Variants in SYT12 observed in about 807,000 individuals in gnomAD.
SYT12 encodes the protein synaptotagmin-12.
Under a neutral mutation model 39.5 loss-of-function variants are expected in SYT12, and 27 were observed. The observed-to-expected ratio is 0.68, with a 90% CI of 0.50 to 0.94. SYT12 has a LOEUF of 0.94. Ranked by LOEUF, SYT12 falls within the 40% of genes least tolerant of loss-of-function variation. SYT12 has a pLI of 0.00. For missense variants in SYT12, 536 were observed against 572.6 expected (o/e 0.94, Z 0.65); for synonymous variants, 233 against 239.7 (o/e 0.97, Z 0.26).
At chr11:67,014,335 A>G (rs1272645605) in intron 3 of SYT12, among the ~76,000 whole-genome samples, 1 of 152,190 alleles carries the variant, frequency 6.6e-6, no homozygotes, top group African/African-American at 2.4e-5. Context: ...GAAAGTGCTC[A>G]TTGGAAGGAG....
In SYT12 at chr11:67,023,290, G is replaced by A. The variant is rs1950134508; in HGVS notation, c.-194G>A. Reference sequence around the variant, plus strand: ...GGCGCAGCTCCGGTCCGCCGCCCCGGCCCGGCCGAGCCCCCGGCCCGCGCC... The same window carrying A: ...GGCGCAGCTCCGGTCCGCCGCCCCGACCCGGCCGAGCCCCCGGCCCGCGCC... On this transcript the variant is annotated 5_prime_UTR_variant, in exon 1 of 8. Transcript: ENST00000527043. 4 of 148,408 alleles carry A rather than the reference G, an allele frequency of 2.7e-5. No homozygotes were observed. The highest frequency in any genetic ancestry group is 7.3e-5 in the African/African-American group (3 of 41,048). The allele number at this position is 148,408 out of a possible 1,614,324, so 9.2% of individuals were successfully genotyped here. A position where few individuals can be genotyped will look rare whatever the true frequency, so the allele number is the denominator to read the frequency against.
At chr11:67,021,315 C>T (rs1005557568), upstream of SYT12, among the ~76,000 whole-genome samples, 1 of 151,940 alleles carries the variant, frequency 6.6e-6, no homozygotes, top group Non-Finnish European at 1.5e-5. Context: ...GGACCAGCCT[C>T]AACTTTGCTT....
chr11:67,043,346 G>A (rs1041272780), intron 4 of SYT12, among the ~76,000 whole-genome samples: 12 of 152,232 alleles, frequency 7.9e-5, no homozygotes, highest in Admixed American at 1.3e-4. Context: ...AGACCAGCTC[G>A]TCCAGGGCAT....
intron 3 of SYT12, among the ~76,000 whole-genome samples, chr11:67,038,391 C>T (rs1021330031): frequency 5.9e-5 from 9 of 151,840 alleles, no homozygotes; most frequent in Admixed American, 4.6e-4. Flanking sequence ...TCTTGAACTC[C>T]TGACCTCAGG....
chr11:67,019,329 G>C (rs1016167779), upstream of SYT12, among the ~76,000 whole-genome samples: 1 of 151,978 alleles, frequency 6.6e-6, no homozygotes, highest in Non-Finnish European at 1.5e-5. Flanking sequence ...AAAATTAGCC[G>C]GGCGTGTTGG....
At chr11:67,032,947 G>A (rs1950298400) in intron 2 of SYT12, 1 of 153,774 alleles carries the variant, frequency 6.5e-6, no homozygotes, top group Non-Finnish European at 1.4e-5. Flanking sequence ...AGAAAAGAAA[G>A]TAGAGCCTTA....
upstream of SYT12, among the ~76,000 whole-genome samples, chr11:67,020,965 G>GCAAT (rs1475527787): frequency 6.6e-6 from 1 of 152,174 alleles, no homozygotes; most frequent in Non-Finnish European, 1.5e-5. Context: ...CTGAGCTCAG[G>GCAAT]CAATCTACCT....
At chr11:67,014,238 C>G (rs908229841) in intron 3 of SYT12, among the ~76,000 whole-genome samples, 2 of 152,204 alleles carry the variant, frequency 1.3e-5, no homozygotes, top group Non-Finnish European at 2.9e-5. Context: ...GGTCACAAGT[C>G]AACTTGCTGC....
At chr11:67,044,469 C>G in intron 5 of SYT12, 124 bp from the exon 6 acceptor site, 1 of 1,371,534 alleles carries the variant, frequency 7.3e-7, no homozygotes, top group Non-Finnish European at 9.7e-7. Flanking sequence ...TGGTAAGGGG[C>G]CCCCAGTGCA....
chr11:67,019,560 A>G (rs993388497), upstream of SYT12, among the ~76,000 whole-genome samples: 3 of 152,072 alleles, frequency 2.0e-5, no homozygotes, highest in South Asian at 2.1e-4. Context: ...ATTATCTCCC[A>G]CTGGGTCCCT....
Position 67,042,618 on chromosome 11 carries a change from G to C in SYT12, c.622-1020G>C, listed in dbSNP as rs143924953. ...TGTGCACATAAAGCACACGCTCAGA[G>C]AATGGCTGGTTGGGGAGCCCAGGCC... On this transcript the variant is annotated intron_variant, in intron 4 of 7. Transcript: ENST00000527043. Among the ~76,000 whole-genome samples, 119 of 152,322 alleles carry C rather than the reference G, an allele frequency of 7.8e-4. 2 individuals are homozygous for C. Among genetic ancestry groups the C allele is most frequent in the African/African-American group, 2.8e-3 (115 of 41,562 alleles).
chr11:67,046,201 TG>T (rs1854545817), intron 7 of SYT12, among the ~76,000 whole-genome samples: 1 of 152,088 alleles, frequency 6.6e-6, no homozygotes, highest in Non-Finnish European at 1.5e-5. Flanking sequence ...TGCAGAGGGT[TG>T]GAGAGGAGCT....
intron 3 of SYT12, among the ~76,000 whole-genome samples, chr11:67,037,879 C>G (rs1409143118): frequency 6.8e-6 from 1 of 147,266 alleles, no homozygotes; most frequent in African/African-American, 2.5e-5. Context: ...GAGGCTCCCC[C>G]TCAGAAAAAA....
intron 3 of SYT12, among the ~76,000 whole-genome samples, chr11:67,038,533 C>G (rs1454535850): frequency 1.3e-5 from 2 of 152,096 alleles, no homozygotes; most frequent in Non-Finnish European, 2.9e-5. Context: ...GTAAACTTCC[C>G]TTGTGGCTGC....
intron 3 of SYT12, 109 bp from the exon 4 acceptor site, chr11:67,039,702 G>A (rs550196929): frequency 2.9e-6 from 4 of 1,357,032 alleles, no homozygotes; most frequent in Non-Finnish European, 4.0e-6. Flanking sequence ...TGTGAAAGGG[G>A]AACTTGGAGA....
intron 3 of SYT12, among the ~76,000 whole-genome samples, chr11:67,039,140 C>T (rs1252800674): frequency 2.0e-5 from 3 of 149,516 alleles, no homozygotes; most frequent in African/African-American, 7.4e-5. Flanking sequence ...CCTGTCTCTA[C>T]TAAAAATACA....
chr11:67,035,002 CTTTT>C (rs11316433), intron 3 of SYT12, among the ~76,000 whole-genome samples, 164 bp downstream of exon 3: 6 of 112,094 alleles, frequency 5.4e-5, no homozygotes, highest in Non-Finnish European at 1.1e-4. Context: ...ACATCTTCAA[CTTTT>C]TTTTTTTTTT....
Position 67,040,020 on chromosome 11 carries a change from C to T in SYT12, c.438C>T (p.Thr146=), listed in dbSNP as rs1181914080. 6.2e-7 allele frequency: 1 copy of T among 1,613,954 alleles called. No individual in the cohort carries two copies. The highest frequency in any genetic ancestry group is 1.7e-5 in the Admixed American group (1 of 60,028). ...ACTCCATCTCCTCCGTGAGCAACAC[C>T]TTTGGGCAGGACTTCACACTGGGCC... ...SLNSISSVSN[T]FGQDFTLGQV... Residue 146 remains threonine, a synonymous_variant, in exon 4 of 8, where the codon ACC becomes ACT. Transcript: ENST00000527043.
At chr11:67,007,955 C>CTT (rs747885357) in intron 1 of SYT12, among the ~76,000 whole-genome samples, 1 of 137,142 alleles carries the variant, frequency 7.3e-6, no homozygotes, top group Non-Finnish European at 1.6e-5. Flanking sequence ...GAAGCCCTAA[C>CTT]TTTTTTTTTT....
Sources: gnomAD v4.1 joint callset for allele counts (sites outside exome capture counted in the v4.1 genomes callset) on GRCh38, gnomAD v4.1.1 for gene constraint, MANE v1.5 for transcripts, NCBI Gene and HGNC (gene_info 2026-07-23, HGNC 2026-07-21) for gene names.